CENPW: variants seen among roughly 807,000 people sequenced by gnomAD.
CENPW encodes the protein cancer-up-regulated gene 2 protein.
A neutral mutation model predicts 11.1 loss-of-function variants in CENPW; 3 were observed. The observed-to-expected ratio is 0.27, with a 90% CI of 0.12 to 0.70. The LOEUF (loss-of-function observed/expected upper bound fraction) is 0.70. Ranked by LOEUF, CENPW falls within the 30% of genes least tolerant of loss-of-function variation. CENPW has a pLI of 0.77. For missense variants in CENPW, 100 were observed against 105.6 expected, an observed-to-expected ratio of 0.95 and a Z score of 0.23; for synonymous variants, 38 against 42.0, an observed-to-expected ratio of 0.91 and a Z score of 0.37.
the CENPW span, among the ~76,000 whole-genome samples, chr6:126,481,111 G>A: frequency 6.6e-6 from 1 of 151,852 alleles, no homozygotes; most frequent in African/African-American, 2.4e-5. Flanking sequence ...TATTTCATCA[G>A]TTCACTACTA....
chr6:126,405,205 TC>T, the CENPW span, among the ~76,000 whole-genome samples: 2 of 152,110 alleles, frequency 1.3e-5, no homozygotes, highest in Non-Finnish European at 2.9e-5. Flanking sequence ...TCTAGTTTTT[TC>T]TTCTGCCTAT....
the CENPW span, among the ~76,000 whole-genome samples, chr6:126,452,179 A>C: frequency 6.6e-6 from 1 of 151,230 alleles, no homozygotes; most frequent in African/African-American, 2.4e-5. Context: ...AGATTTAAGT[A>C]GGACCTACTA....
chr6:126,381,746 T>A, the CENPW span, among the ~76,000 whole-genome samples: 6 of 152,164 alleles, frequency 3.9e-5, no homozygotes, highest in Non-Finnish European at 8.8e-5. Flanking sequence ...CCGCCCATCA[T>A]AGTGTTGTGA....
chr6:126,365,995 A>G, the CENPW span, among the ~76,000 whole-genome samples: 4 of 152,206 alleles, frequency 2.6e-5, no homozygotes, highest in Non-Finnish European at 5.9e-5. Flanking sequence ...GGCTGCCAAG[A>G]TTTAAATGAG....
chr6:126,395,014 ATCT>A, the CENPW span, among the ~76,000 whole-genome samples: 1 of 151,842 alleles, frequency 6.6e-6, no homozygotes, highest in African/African-American at 2.4e-5. Flanking sequence ...GCTTGAGGTA[ATCT>A]TCTTTGGGTT....
chr6:126,359,343 G>T, the CENPW span, among the ~76,000 whole-genome samples: 1 of 151,228 alleles, frequency 6.6e-6, no homozygotes, highest in South Asian at 2.1e-4. Flanking sequence ...TTATGACAGC[G>T]TGTGGCCGAT....
chr6:126,396,936 A>G, the CENPW span, among the ~76,000 whole-genome samples: 1 of 151,944 alleles, frequency 6.6e-6, no homozygotes, highest in African/African-American at 2.4e-5. Flanking sequence ...GATGCAAGAC[A>G]AAGTTCTTTT....
At position 126,346,765 on chromosome 6, in the gene CENPW, C is replaced by G. The variant is rs539697314; in HGVS notation, c.240+447C>G. Among the ~76,000 whole-genome samples, 8 of 152,240 alleles carry G rather than the reference C, an allele frequency of 5.3e-5. No individual in the cohort carries two copies. The South Asian group carries it at 1.7e-3, about 32-fold the overall frequency. On this transcript the variant is annotated intron_variant, in intron 2 of 2. Transcript: ENST00000368328. ...CATGGGGAAAACCGCCCCCCATGAT[C>G]TAATCACTTCCCTTCCTCCACATGG...
At chr6:126,452,658 T>A in the CENPW span, among the ~76,000 whole-genome samples, 1 of 151,024 alleles carries the variant, frequency 6.6e-6, no homozygotes, top group Non-Finnish European at 1.5e-5. Flanking sequence ...ATAAAATATC[T>A]AAAATTCATG....
chr6:126,421,700 T>G, the CENPW span, among the ~76,000 whole-genome samples: 1 of 152,018 alleles, frequency 6.6e-6, no homozygotes, highest in East Asian at 1.9e-4. Context: ...CCTTCAGTCT[T>G]GGGTAAATCT....
chr6:126,391,151 G>T, the CENPW span, among the ~76,000 whole-genome samples: 2 of 151,764 alleles, frequency 1.3e-5, no homozygotes, highest in Admixed American at 6.6e-5. Flanking sequence ...CCTGTCTTTT[G>T]GATATAAGCC....
chr6:126,429,152 A>G, the CENPW span, among the ~76,000 whole-genome samples: 14 of 152,148 alleles, frequency 9.2e-5, no homozygotes, highest in Non-Finnish European at 2.1e-4. Context: ...TTGTTATTAT[A>G]TCTTCTTGTA....
the CENPW span, among the ~76,000 whole-genome samples, chr6:126,368,942 C>T: frequency 6.6e-6 from 1 of 152,094 alleles, no homozygotes; most frequent in African/African-American, 2.4e-5. Flanking sequence ...TCACCCTCCT[C>T]CCACCCTTTC....
chr6:126,349,655 A>C (rs1287483186), downstream of CENPW, among the ~76,000 whole-genome samples: 3 of 152,090 alleles, frequency 2.0e-5, no homozygotes, highest in Non-Finnish European at 2.9e-5. Flanking sequence ...TTTATTACTG[A>C]GTAGTATTCT....
At chr6:126,416,330 A>G in the CENPW span, among the ~76,000 whole-genome samples, 2 of 152,180 alleles carry the variant, frequency 1.3e-5, no homozygotes, top group African/African-American at 4.8e-5. Flanking sequence ...ATTCCGTTTT[A>G]TAAGGGAAGC....
the CENPW span, among the ~76,000 whole-genome samples, chr6:126,423,974 A>T: frequency 6.6e-6 from 1 of 152,068 alleles, no homozygotes; most frequent in Non-Finnish European, 1.5e-5. Flanking sequence ...AAAAGTTGTT[A>T]CTTTTAAATA....
the CENPW span, among the ~76,000 whole-genome samples, chr6:126,424,948 CTTTG>C: frequency 6.6e-6 from 1 of 151,968 alleles, no homozygotes; most frequent in African/African-American, 2.4e-5. Flanking sequence ...TTCATATTTT[CTTTG>C]TTTGTTTCCT....
chr6:126,440,075 C>A, the CENPW span, among the ~76,000 whole-genome samples: 2 of 151,658 alleles, frequency 1.3e-5, no homozygotes, highest in South Asian at 4.2e-4. Context: ...ACATCTACTT[C>A]TAGAAGGCAA....
intron 1 of CENPW, among the ~76,000 whole-genome samples, chr6:126,342,248 C>T (rs1780327369): frequency 6.6e-6 from 1 of 152,150 alleles, no homozygotes; most frequent in South Asian, 2.1e-4. Context: ...AAGCTAGAAT[C>T]ATGAAAAGAC....
Sources: gnomAD v4.1 joint callset for allele counts (sites outside exome capture counted in the v4.1 genomes callset) on GRCh38, gnomAD v4.1.1 for gene constraint, MANE v1.5 for transcripts, NCBI Gene and HGNC (gene_info 2026-07-23, HGNC 2026-07-21) for gene names.